Variants in ACYP2 observed in about 807,000 individuals in gnomAD.
The protein encoded by ACYP2 is acylphosphatase-2.
Under a neutral mutation model 11.2 loss-of-function variants are expected in ACYP2, and 12 were observed. The ratio of observed to expected loss-of-function variants is 1.08; its 90% confidence interval spans 0.69 to 1.74. The LOEUF is 1.74. ACYP2 is among the 40% of genes most tolerant of loss of function. The probability of loss-of-function intolerance (pLI) is 0.00; values close to 1 mark genes in which losing one functional copy is unlikely to be tolerated. For missense variants in ACYP2, 134 were observed against 101.9 expected (o/e 1.31, Z -1.35); for synonymous variants, 43 against 32.2 (o/e 1.33, Z -1.13).
intron 2 of ACYP2, among the ~76,000 whole-genome samples, chr2:54,038,670 A>G (rs1305164872): frequency 1.9e-5 from 2 of 104,470 alleles, no homozygotes; most frequent in Non-Finnish European, 3.8e-5. Flanking sequence ...TCTTTATTGA[A>G]TACTATATAT....
At chr2:54,131,165 T>A (rs1217169558) in intron 4 of ACYP2, among the ~76,000 whole-genome samples, 4 of 152,256 alleles carry the variant, frequency 2.6e-5, no homozygotes, top group Non-Finnish European at 5.9e-5. Flanking sequence ...TGTTTAACTG[T>A]GTGCCTATTA....
intron 2 of ACYP2, among the ~76,000 whole-genome samples, chr2:54,032,340 T>A (rs6545383): frequency 0.079 from 11,976 of 152,112 alleles, 514 homozygotes; most frequent in Non-Finnish European, 0.094. Context: ...AGCTTTCTAC[T>A]TATGGCTAGC....
At chr2:54,199,634 A>T (rs1684670497) in intron 6 of ACYP2, among the ~76,000 whole-genome samples, 2 of 152,340 alleles carry the variant, frequency 1.3e-5, no homozygotes, top group South Asian at 4.1e-4. Context: ...GACAGAAGAG[A>T]AATCGAGGAT....
chr2:54,192,714 G>C lies in ACYP2; in HGVS notation c.404+53966G>C, dbSNP rs566937796. On this transcript the variant is annotated intron_variant, in intron 6 of 6. Coordinates refer to ENST00000607452, the MANE Select transcript of ACYP2 (RefSeq NM_001320586.2). ...TGCTATAAAGAACTGCCCGAGATTGGGTAATTTATAAAGAGAAGAGGTTTT... is the reference window on the plus strand; with the variant it reads ...TGCTATAAAGAACTGCCCGAGATTGCGTAATTTATAAAGAGAAGAGGTTTT... Among the ~76,000 whole-genome samples the C allele has an allele frequency of 3.3e-5, 5 of 152,266 alleles. No individual in the cohort carries two copies. In the South Asian group the frequency reaches 1.0e-3, roughly 32 times the overall value.
At chr2:54,107,311 T>C (rs1466625161) in intron 4 of ACYP2, among the ~76,000 whole-genome samples, 1 of 152,224 alleles carries the variant, frequency 6.6e-6, no homozygotes, top group East Asian at 1.9e-4. Flanking sequence ...AAGCCTTTAT[T>C]TATTCTATAA....
chr2:54,045,125 C>A (rs1335965521), intron 2 of ACYP2, among the ~76,000 whole-genome samples: 3 of 152,210 alleles, frequency 2.0e-5, no homozygotes, highest in Admixed American at 2.0e-4. Context: ...AAACTACTGA[C>A]ATCAGCTGGT....
chr2:54,126,254 C>T lies in ACYP2; in HGVS notation c.278-9199C>T, dbSNP rs76715625. On this transcript the variant is annotated intron_variant, in intron 4 of 6. Coordinates refer to ENST00000607452, the MANE Select transcript of ACYP2 (RefSeq NM_001320586.2). ...GACAGTCACATAGGTGTAACAGTTA[C>T]GAGAAGATGAACTATATTCATAAGG... 1.2e-3 allele frequency among the ~76,000 whole-genome samples: 183 copies of T among 152,136 alleles called. 1 individual carries two copies. The highest frequency in any genetic ancestry group is 3.7e-3 in the African/African-American group (153 of 41,488).
At chr2:54,267,874 C>G (rs1688108754) in intron 6 of ACYP2, among the ~76,000 whole-genome samples, 2 of 152,124 alleles carry the variant, frequency 1.3e-5, no homozygotes. Context: ...GTTTCAGAAT[C>G]TAAAATAGAT....
chr2:54,058,214 C>G lies in ACYP2; in HGVS notation c.277+854C>G, dbSNP rs202203290. On this transcript the variant is annotated intron_variant, in intron 4 of 6. Transcript: ENST00000607452. ...AATGTGAATAAGCTCTGGACTTATTCTCATTGGTTCTTTTTGGGGGCAGGG... is the reference window on the plus strand; with the variant it reads ...AATGTGAATAAGCTCTGGACTTATTGTCATTGGTTCTTTTTGGGGGCAGGG... Among the ~76,000 whole-genome samples the G allele has an allele frequency of 2.6e-5, 4 of 151,020 alleles. No homozygotes were observed. The East Asian group carries it at 5.8e-4, about 22-fold the overall frequency.
chr2:54,225,470 C>G lies in ACYP2; in HGVS notation c.405-79218C>G, dbSNP rs139700981. Among the ~76,000 whole-genome samples the G allele has an allele frequency of 5.1e-3, 783 of 152,138 alleles. 11 individuals carry two copies. The highest frequency in any genetic ancestry group is 0.018 in the African/African-American group (749 of 41,492). ...TCTTTTAATACATGGGGAGTGACAG[C>G]ATCAGCATGATCTTCTTTACAGTTT... On this transcript the variant is annotated intron_variant, in intron 6 of 6. Coordinates refer to ENST00000607452, the MANE Select transcript of ACYP2 (RefSeq NM_001320586.2).
chr2:54,278,741 T>A (rs1336395464), intron 6 of ACYP2, among the ~76,000 whole-genome samples: 2 of 152,248 alleles, frequency 1.3e-5, no homozygotes, highest in African/African-American at 2.4e-5. Context: ...AAAAGTTTCA[T>A]AATGAAACAT....
At chr2:54,078,808 G>A (rs1316402749) in intron 4 of ACYP2, among the ~76,000 whole-genome samples, 2 of 152,038 alleles carry the variant, frequency 1.3e-5, no homozygotes, top group African/African-American at 4.8e-5. Flanking sequence ...ATGTTGGCCA[G>A]GCTGGTCTGG....
intron 6 of ACYP2, among the ~76,000 whole-genome samples, chr2:54,218,419 G>A (rs1161772057): frequency 1.3e-5 from 2 of 152,034 alleles, no homozygotes; most frequent in African/African-American, 2.4e-5. Flanking sequence ...TTTATGTCTT[G>A]TATTCAATTG....
chr2:54,298,383 T>G (rs1348862172), intron 6 of ACYP2, among the ~76,000 whole-genome samples: 5 of 152,196 alleles, frequency 3.3e-5, no homozygotes, highest in African/African-American at 1.2e-4. Context: ...AGATGGCATA[T>G]TTTGAACGCA....
In ACYP2 at chr2:54,304,887, G is replaced by C. The variant is rs1049796439; in HGVS notation, c.*85G>C. Reference sequence around the variant, plus strand: ...ATACTAGAATAATAGTAGCAGAGTAGGGTGAAAAGGAACTTTCTGTTCTGA... The same window carrying C: ...ATACTAGAATAATAGTAGCAGAGTACGGTGAAAAGGAACTTTCTGTTCTGA... On this transcript the variant is annotated 3_prime_UTR_variant, in exon 7 of 7. Coordinates refer to ENST00000607452, the MANE Select transcript of ACYP2 (RefSeq NM_001320586.2). 2 of 655,744 alleles carry C rather than the reference G, an allele frequency of 3.0e-6. No individual in the cohort carries two copies. The highest frequency in any genetic ancestry group is 1.8e-5 in the African/African-American group (1 of 54,444). The allele number at this position is 655,744 out of a possible 1,614,324, so 40.6% of individuals were successfully genotyped here.
At chr2:54,267,370 G>C (rs776350555) in intron 6 of ACYP2, 1 of 1,544,492 alleles carries the variant, frequency 6.5e-7, no homozygotes, top group African/African-American at 1.4e-5. Context: ...ATTCAGGTGA[G>C]AGGTTTCTAC....
chr2:54,264,396 G>A (rs1687922503), intron 6 of ACYP2, among the ~76,000 whole-genome samples: 1 of 152,158 alleles, frequency 6.6e-6, no homozygotes, highest in Admixed American at 6.5e-5. Context: ...CTGCTGATTG[G>A]TGTGTTTACA....
chr2:54,043,430 G>C (rs1384654304), intron 2 of ACYP2, among the ~76,000 whole-genome samples: 1 of 152,194 alleles, frequency 6.6e-6, no homozygotes, highest in Non-Finnish European at 1.5e-5. Context: ...AAGACTGACA[G>C]ATGTGTGGAA....
At chr2:54,054,393 C>T (rs1676015116) in intron 3 of ACYP2, among the ~76,000 whole-genome samples, 1 of 152,146 alleles carries the variant, frequency 6.6e-6, no homozygotes, top group Non-Finnish European at 1.5e-5. Context: ...CTAAGTTTCT[C>T]TTTTAAAGAA....
Sources: allele counts gnomAD v4.1 joint callset (sites outside exome capture counted in the v4.1 genomes callset), GRCh38; gene constraint gnomAD v4.1.1; transcripts MANE v1.5; gene names NCBI Gene and HGNC (gene_info 2026-07-23, HGNC 2026-07-21).